RABGAP1L: variants seen among roughly 807,000 people sequenced by gnomAD.
The protein encoded by RABGAP1L is RAB GTPase activating protein 1 like.
A neutral mutation model predicts 137.7 loss-of-function variants in RABGAP1L; 63 were observed. The observed-to-expected ratio is 0.46, with a 90% CI of 0.37 to 0.56. The LOEUF is 0.56. Among genes scored for constraint, RABGAP1L ranks in the 20% least tolerant of loss-of-function variants. The pLI is 0.00. For missense variants in RABGAP1L, 1,095 were observed against 1,244.0 expected (o/e 0.88, Z 1.80); for synonymous variants, 431 against 433.7 (o/e 0.99, Z 0.08).
intron 7 of RABGAP1L, among the ~76,000 whole-genome samples, chr1:174,263,213 G>A (rs944765420): frequency 4.6e-5 from 7 of 152,198 alleles, no homozygotes; most frequent in Admixed American, 6.5e-5. Context: ...GGTTTCCTGC[G>A]TGCCTGTGGT....
At chr1:174,962,314 C>T (rs1669223747) in intron 20 of RABGAP1L, among the ~76,000 whole-genome samples, 1 of 150,408 alleles carries the variant, frequency 6.6e-6, no homozygotes. Flanking sequence ...TGCTTAAACT[C>T]TCTTGGGTTT....
intron 14 of RABGAP1L, among the ~76,000 whole-genome samples, chr1:174,647,508 T>C (rs868170528): frequency 2.6e-5 from 4 of 152,140 alleles, no homozygotes; most frequent in African/African-American, 7.2e-5. Flanking sequence ...TTGGATTACA[T>C]TGATTGATTT....
rs1438703976 is a variant in RABGAP1L, at chr1:174,808,234, G to A, written c.2212-3598G>A. On this transcript the variant is annotated intron_variant, in intron 18 of 25. Transcript: ENST00000681986. ...AATCTCCTGATCTCGTGATCTGCCC[G>A]TCTCAGCCTCCCAAAGTACTGGGAT... is the stretch of plus-strand genomic sequence containing the variant. Among the ~76,000 whole-genome samples, 27 of 152,034 alleles carry A rather than the reference G, an allele frequency of 1.8e-4. No individual in the cohort carries two copies. The East Asian group carries it at 2.1e-3, about 12-fold the overall frequency.
intron 13 of RABGAP1L, among the ~76,000 whole-genome samples, chr1:174,596,326 G>A (rs944028015): frequency 5.6e-4 from 85 of 151,994 alleles, no homozygotes; most frequent in African/African-American, 2.0e-3. Flanking sequence ...CGTGGCTCAC[G>A]CTGGGAGCTG....
chr1:174,824,135 C>G (rs1403879270), intron 19 of RABGAP1L, among the ~76,000 whole-genome samples: 1 of 152,048 alleles, frequency 6.6e-6, no homozygotes, highest in Non-Finnish European at 1.5e-5. Context: ...ACTAAAAATA[C>G]AAAACTTAGC....
At chr1:174,535,970 C>T (rs1410382747) in intron 13 of RABGAP1L, among the ~76,000 whole-genome samples, 4 of 152,120 alleles carry the variant, frequency 2.6e-5, no homozygotes, top group Non-Finnish European at 5.9e-5. Context: ...CATTAGTAGG[C>T]ACTTGGTGAA....
chr1:174,403,126 G>A (rs1201723025), intron 13 of RABGAP1L, among the ~76,000 whole-genome samples: 1 of 151,544 alleles, frequency 6.6e-6, no homozygotes, highest in East Asian at 1.9e-4. Context: ...AATGCCATGA[G>A]GTGTTTCTCT....
intron 13 of RABGAP1L, among the ~76,000 whole-genome samples, chr1:174,453,741 G>T (rs1655711292): frequency 6.6e-6 from 1 of 152,138 alleles, no homozygotes. Flanking sequence ...TGCTAGAGTA[G>T]AGAAAACAGT....
chr1:174,755,303 C>T (rs1428098286), intron 18 of RABGAP1L, among the ~76,000 whole-genome samples: 2 of 152,070 alleles, frequency 1.3e-5, no homozygotes, highest in African/African-American at 4.8e-5. Flanking sequence ...ATTTTGTGTC[C>T]AGTAGGTAGG....
At chr1:174,981,989 A>G (rs936971142) in intron 23 of RABGAP1L, among the ~76,000 whole-genome samples, 1 of 152,228 alleles carries the variant, frequency 6.6e-6, no homozygotes, top group Non-Finnish European at 1.5e-5. Flanking sequence ...TCACAAAGCT[A>G]TAAAGAAATG....
At position 174,683,509 on chromosome 1, in the gene RABGAP1L, A is replaced by G. The variant is rs758760911; in HGVS notation, c.1825-13A>G. The G allele has an allele frequency of 6.3e-7, 1 of 1,574,956 alleles. No individual in the cohort carries two copies. Among genetic ancestry groups the G allele is most frequent in the Non-Finnish European group, 8.7e-7 (1 of 1,148,384 alleles). On this transcript the variant is annotated splice_polypyrimidine_tract_variant and intron_variant, in intron 14 of 25. Transcript: ENST00000681986. The stretch of plus-strand genomic sequence containing the variant: ...CTATTTACGATATTTCTTTCTTTTC[A>G]TCTTTTCTCTAGGCCTACTCTGTGT...
intron 13 of RABGAP1L, among the ~76,000 whole-genome samples, chr1:174,460,401 GTTTTC>G (rs1413036349): frequency 6.6e-6 from 1 of 151,876 alleles, no homozygotes; most frequent in Non-Finnish European, 1.5e-5. Flanking sequence ...GTTGATTTTG[GTTTTC>G]TTTTCTTCCA....
At position 174,574,273 on chromosome 1, in the gene RABGAP1L, A is replaced by G. The variant is rs569140272; in HGVS notation, c.1711-63102A>G. Among the ~76,000 whole-genome samples the G allele has an allele frequency of 2.0e-4, 30 of 152,378 alleles. No individual in the cohort carries two copies. In the South Asian group the frequency reaches 6.2e-3, roughly 32 times the overall value. Reference sequence around the variant, plus strand: ...TTTCCTGATATATAATACAAAATAGATACTGATATGTGTAAAAGAAAGATG... The same window carrying G: ...TTTCCTGATATATAATACAAAATAGGTACTGATATGTGTAAAAGAAAGATG... On this transcript the variant is annotated intron_variant, in intron 13 of 25. Coordinates refer to ENST00000681986, the MANE Select transcript of RABGAP1L (RefSeq NM_001366446.1).
intron 18 of RABGAP1L, chr1:174,800,275 T>G: frequency 6.6e-7 from 1 of 1,506,846 alleles, no homozygotes. Flanking sequence ...CCACCGCAGT[T>G]CTTAATATTG....
intron 11 of RABGAP1L, among the ~76,000 whole-genome samples, chr1:174,318,638 C>CTTTCTT (rs1679653519): frequency 4.4e-4 from 39 of 88,568 alleles, no homozygotes; most frequent in African/African-American, 1.6e-3. Context: ...CTTTCTTTTT[C>CTTTCTT]TTTCTTTTTT....
chr1:174,786,717 A>T (rs2148783848), intron 18 of RABGAP1L, among the ~76,000 whole-genome samples: 1 of 152,358 alleles, frequency 6.6e-6, no homozygotes, highest in Admixed American at 6.5e-5. Context: ...AAATCCATAA[A>T]CATTGCACTT....
At chr1:174,842,525 C>G (rs1317465738) in intron 19 of RABGAP1L, among the ~76,000 whole-genome samples, 5 of 152,158 alleles carry the variant, frequency 3.3e-5, no homozygotes, top group Non-Finnish European at 7.4e-5. Flanking sequence ...TTTACTGTTT[C>G]ATTTATCTTC....
chr1:174,804,585 T>C (rs1689090223), intron 18 of RABGAP1L, among the ~76,000 whole-genome samples: 1 of 152,194 alleles, frequency 6.6e-6, no homozygotes, highest in African/African-American at 2.4e-5. Flanking sequence ...AGTGTTGGGA[T>C]TACAGGTGTG....
chr1:174,304,883 G>A (rs1378674689), intron 10 of RABGAP1L, 103 bp from the exon 11 acceptor site: 14 of 1,068,680 alleles, frequency 1.3e-5, no homozygotes, highest in African/African-American at 1.7e-5. Context: ...AACACAACAC[G>A]CCATTCTTCA....
Sources: gnomAD v4.1 joint callset for allele counts (sites outside exome capture counted in the v4.1 genomes callset) on GRCh38, gnomAD v4.1.1 for gene constraint, MANE v1.5 for transcripts, NCBI Gene and HGNC (gene_info 2026-07-23, HGNC 2026-07-21) for gene names.